AACS: variants seen among roughly 807,000 people sequenced by gnomAD.
AACS encodes the protein acetoacetate-CoA ligase.
AACS carries 69 observed loss-of-function variants against 83.1 expected under a neutral mutation model. The ratio of observed to expected loss-of-function variants is 0.83; its 90% CI spans 0.68 to 1.01. The LOEUF is 1.01. AACS is among the 50% of genes least tolerant of loss of function. AACS has a pLI of 0.00. For missense variants in AACS, 866 were observed against 882.2 expected (o/e 0.98, Z 0.23); for synonymous variants, 333 against 343.4 (o/e 0.97, Z 0.33).
intron 12 of AACS, 185 bp from the exon 13 acceptor site, chr12:125,127,976 C>G: frequency 2.3e-6 from 1 of 436,972 alleles, no homozygotes; most frequent in Admixed American, 4.0e-5. Context: ...GGGGTTCATT[C>G]TAATTTCCAT....
chr12:125,141,835 G>T, intron 17 of AACS: 1 of 474,890 alleles, frequency 2.1e-6, no homozygotes, highest in Non-Finnish European at 3.8e-6. Context: ...TGTTAGAGTT[G>T]AGTTTCAGCA....
intron 14 of AACS, 73 bp from the exon 15 acceptor site, chr12:125,133,930 C>T: frequency 4.0e-6 from 6 of 1,502,122 alleles, no homozygotes; most frequent in South Asian, 1.1e-5. Context: ...GGACCTACAC[C>T]CAGCGTCTGT....
intron 17 of AACS, among the ~76,000 whole-genome samples, chr12:125,137,074 G>A (rs1410453629): frequency 6.6e-6 from 1 of 152,186 alleles, no homozygotes; most frequent in Non-Finnish European, 1.5e-5. Flanking sequence ...ATGTTCAGAG[G>A]GTTAGCAGGC....
chr12:125,141,709 AAG>A (rs761992551), intron 17 of AACS: 1,997 of 96,126 alleles, frequency 0.021, 32 homozygotes, highest in Admixed American at 0.036. Flanking sequence ...AAAAAAAAAA[AAG>A]AAAAAAAAAG....
intron 3 of AACS, among the ~76,000 whole-genome samples, chr12:125,080,436 C>T (rs565839785): frequency 1.5e-4 from 23 of 151,902 alleles, no homozygotes; most frequent in African/African-American, 5.6e-4. Context: ...ACTTGTAATA[C>T]GGGTGTCTGG....
chr12:125,084,004 T>C (rs1956265830), intron 3 of AACS, among the ~76,000 whole-genome samples: 1 of 152,080 alleles, frequency 6.6e-6, no homozygotes. Flanking sequence ...TTTAGTGGCA[T>C]TGCACCAAAT....
chr12:125,115,090 A>G (rs979114681), intron 9 of AACS, among the ~76,000 whole-genome samples: 1 of 152,084 alleles, frequency 6.6e-6, no homozygotes, highest in Non-Finnish European at 1.5e-5. Context: ...CCATGAAACC[A>G]TAACTCAACT....
At chr12:125,089,510 G>A (rs1489260072) in intron 4 of AACS, among the ~76,000 whole-genome samples, 1 of 152,134 alleles carries the variant, frequency 6.6e-6, no homozygotes, top group East Asian at 1.9e-4. Context: ...AGTCTCTGTG[G>A]CCATGAGGAT....
chr12:125,133,967 C>A, intron 14 of AACS, 36 bp from the exon 15 acceptor site: 1 of 1,611,744 alleles, frequency 6.2e-7, no homozygotes, highest in Non-Finnish European at 8.5e-7. Flanking sequence ...GGCCCCTTCT[C>A]CTCGGGATGA....
In AACS at chr12:125,086,313, C is replaced by T. The variant is rs753061439; in HGVS notation, c.359-17C>T. 7 of 1,611,234 alleles carry T rather than the reference C, an allele frequency of 4.3e-6. No homozygotes were observed. The African/African-American group carries it at 9.4e-5, about 22-fold the overall frequency. Reference sequence around the variant, plus strand: ...TTGCGGTGGTCTGTGTACAATTTACCCTTTTTCTCTTCCCAGGGGAAGGCA... The same window carrying T: ...TTGCGGTGGTCTGTGTACAATTTACTCTTTTTCTCTTCCCAGGGGAAGGCA... On this transcript the variant is annotated splice_polypyrimidine_tract_variant and intron_variant, in intron 3 of 17. Transcript: ENST00000316519.
intron 5 of AACS, chr12:125,100,806 C>T (rs1005424428): frequency 6.6e-6 from 1 of 152,196 alleles, no homozygotes; most frequent in Admixed American, 6.5e-5. Flanking sequence ...ACACTCTGCC[C>T]CTTAGACTCC....
chr12:125,105,690 TGC>T (rs1361164942), intron 7 of AACS: 3 of 152,212 alleles, frequency 2.0e-5, no homozygotes, highest in Non-Finnish European at 4.4e-5. Context: ...TGATTGTGGA[TGC>T]CACAGATAAA....
rs769722755 is a variant in AACS, at chr12:125,107,197, A to G, written c.844A>G (p.Ser282Gly). 18 of 1,614,010 alleles carry G rather than the reference A, an allele frequency of 1.1e-5. No homozygotes were observed. Among genetic ancestry groups the G allele is most frequent in the Middle Eastern group, 1.6e-4 (1 of 6,084 alleles). Reference protein sequence around the residue: ...PQLEFEQLPFSHPLFIMFSSG... With the variant: ...PQLEFEQLPFGHPLFIMFSSG... ...GCTGGAGTTCGAGCAGCTGCCCTTC[A>G]GCCACCCACTGTTCATCATGTTCTC... The change falls in exon 8 of 18, where the codon AGC (serine) becomes GGC (glycine). Residue 282 changes from serine to glycine, a missense_variant. Transcript: ENST00000316519.
At chr12:125,110,137 A>G (rs1956921673) in intron 8 of AACS, among the ~76,000 whole-genome samples, 1 of 149,558 alleles carries the variant, frequency 6.7e-6, no homozygotes, top group African/African-American at 2.5e-5. Context: ...CTTGTGCCTC[A>G]GCCTCCTGAG....
intron 3 of AACS, among the ~76,000 whole-genome samples, chr12:125,083,073 T>C (rs1956239311): frequency 1.3e-5 from 2 of 152,224 alleles, no homozygotes; most frequent in South Asian, 4.1e-4. Context: ...TACCTCCCAG[T>C]TTCTGTGGGT....
rs147207101 is a variant in AACS, at chr12:125,091,990, C to T, written c.570+467C>T. Reference sequence around the variant, plus strand: ...ACCCGTACTGTGTGGGTGTGCACTCCGGGAGGGTGGCCTCTCTGTCCCCAA... The same window carrying T: ...ACCCGTACTGTGTGGGTGTGCACTCTGGGAGGGTGGCCTCTCTGTCCCCAA... On this transcript the variant is annotated intron_variant, in intron 5 of 17. Coordinates refer to ENST00000316519, the MANE Select transcript of AACS (RefSeq NM_023928.5). Among the ~76,000 whole-genome samples, 62 of 152,348 alleles carry T rather than the reference C, an allele frequency of 4.1e-4. No homozygotes were observed. The South Asian group carries it at 7.2e-3, about 18-fold the overall frequency.
At chr12:125,087,474 G>A (rs1355002105) in intron 4 of AACS, among the ~76,000 whole-genome samples, 1 of 152,234 alleles carries the variant, frequency 6.6e-6, no homozygotes, top group African/African-American at 2.4e-5. Flanking sequence ...GTGTACATGG[G>A]GATGAGCAGG....
At chr12:125,068,908 C>T (rs1014021297) in intron 1 of AACS, among the ~76,000 whole-genome samples, 50 of 151,000 alleles carry the variant, frequency 3.3e-4, no homozygotes, top group African/African-American at 1.1e-3. Flanking sequence ...GGCGCGATCT[C>T]GGCTTACTGC....
chr12:125,075,595 GT>G lies in AACS; in HGVS notation c.238-880del, dbSNP rs372065695. ...GCGTGAGCCACTGTGCCCAGCTGGA[GT>G]TTTTTTTTTTTTTTTGAGATGGAGT... is the stretch of plus-strand genomic sequence containing the variant. On this transcript the variant is annotated intron_variant, in intron 2 of 17. Transcript: ENST00000316519. Among the ~76,000 whole-genome samples, 458 of 133,208 alleles carry G rather than the reference GT, an allele frequency of 3.4e-3. 4 individuals carry two copies. Among genetic ancestry groups the G allele is most frequent in the African/African-American group, 8.3e-3 (298 of 35,730 alleles). 87.4% of individuals were successfully genotyped at this position (133,208 alleles called of 152,430 possible).
Sources: gnomAD v4.1 joint callset for allele counts (sites outside exome capture counted in the v4.1 genomes callset) on GRCh38, gnomAD v4.1.1 for gene constraint, MANE v1.5 for transcripts, NCBI Gene and HGNC (gene_info 2026-07-23, HGNC 2026-07-21) for gene names.